Variants in RAB3GAP2 observed in about 807,000 individuals in gnomAD.
The protein encoded by RAB3GAP2 is rab3 GTPase-activating protein non-catalytic subunit.
RAB3GAP2 carries 87 observed loss-of-function variants against 185.3 expected under a neutral mutation model. That is an observed-to-expected ratio of 0.47 (90% CI 0.39 to 0.56). The LOEUF is 0.56. RAB3GAP2 is among the 20% of genes least tolerant of loss of function. The pLI is 0.00. For synonymous variants in RAB3GAP2, 554 were observed against 576.1 expected (o/e 0.96, Z 0.55); for missense variants, 1,492 against 1,638.2 (o/e 0.91, Z 1.54).
Position 220,159,438 on chromosome 1 carries a change from A to G in RAB3GAP2, c.3226-17T>C, listed in dbSNP as rs1657920911. On this transcript the variant is annotated splice_polypyrimidine_tract_variant and intron_variant, in intron 28 of 34. Coordinates refer to ENST00000358951, the MANE Select transcript of RAB3GAP2 (RefSeq NM_012414.4). ...TTTTCCAACCTAAAATAAAAAGATAAAATGTTGTAACATTTAATAATTTAA... is the reference window on the plus strand; with the variant it reads ...TTTTCCAACCTAAAATAAAAAGATAGAATGTTGTAACATTTAATAATTTAA... The G allele has an allele frequency of 1.9e-6, 3 of 1,559,988 alleles. No homozygotes were observed. The highest frequency in any genetic ancestry group is 2.6e-6 in the Non-Finnish European group (3 of 1,132,814).
chr1:220,228,062 GT>G (rs1028573754), intron 2 of RAB3GAP2, among the ~76,000 whole-genome samples: 1 of 152,064 alleles, frequency 6.6e-6, no homozygotes, highest in African/African-American at 2.4e-5. Flanking sequence ...CTCTATAATT[GT>G]TTTTATAATT....
intron 8 of RAB3GAP2, among the ~76,000 whole-genome samples, chr1:220,203,587 C>T (rs1658903379): frequency 6.6e-6 from 1 of 151,840 alleles, no homozygotes; most frequent in Admixed American, 6.6e-5. Flanking sequence ...AACAGAAATT[C>T]AAAAATGGTG....
intron 1 of RAB3GAP2, among the ~76,000 whole-genome samples, chr1:220,237,133 G>T (rs1659608536): frequency 6.6e-6 from 1 of 152,106 alleles, no homozygotes; most frequent in African/African-American, 2.4e-5. Context: ...TTTAACAAAA[G>T]GTATCATGGA....
intron 21 of RAB3GAP2, among the ~76,000 whole-genome samples, chr1:220,173,057 G>A (rs936400287): frequency 1.3e-5 from 2 of 152,190 alleles, no homozygotes; most frequent in African/African-American, 4.8e-5. Flanking sequence ...CGTGAGCATA[G>A]ATCTGCTGTT....
At chr1:220,245,319 C>A (rs1051991484) in intron 1 of RAB3GAP2, among the ~76,000 whole-genome samples, 5 of 152,164 alleles carry the variant, frequency 3.3e-5, no homozygotes, top group African/African-American at 1.2e-4. Flanking sequence ...GCGCACCATG[C>A]GCGAGCCGAA....
At position 220,265,003 on chromosome 1, in the gene RAB3GAP2, T is replaced by C. The variant is rs1406757279; in HGVS notation, c.115+7220A>G. 2.6e-5 allele frequency among the ~76,000 whole-genome samples: 4 copies of C among 152,238 alleles called. No homozygotes were observed. The East Asian group carries it at 7.8e-4, about 30-fold the overall frequency. On this transcript the variant is annotated intron_variant, in intron 1 of 34. Transcript: ENST00000358951. ...ATAAATACTACCTGAATGAAGAAACTGAAGAACACTCAAATCTCAATTTCC... is the reference window on the plus strand; with the variant it reads ...ATAAATACTACCTGAATGAAGAAACCGAAGAACACTCAAATCTCAATTTCC...
At chr1:220,231,645 T>C (rs1360789756) in intron 2 of RAB3GAP2, among the ~76,000 whole-genome samples, 1 of 152,218 alleles carries the variant, frequency 6.6e-6, no homozygotes, top group Non-Finnish European at 1.5e-5. Context: ...CAACAATGAA[T>C]ATCTCATATC....
At position 220,265,471 on chromosome 1, in the gene RAB3GAP2, C is replaced by T. The variant is rs138891678; in HGVS notation, c.115+6752G>A. 5.0e-3 allele frequency among the ~76,000 whole-genome samples: 760 copies of T among 151,924 alleles called. 4 individuals are homozygous for T. The highest frequency in any genetic ancestry group is 0.017 in the African/African-American group (717 of 41,482). On this transcript the variant is annotated intron_variant, in intron 1 of 34. Coordinates refer to ENST00000358951, the MANE Select transcript of RAB3GAP2 (RefSeq NM_012414.4). ...TTATCTCCAACTATTCTGGCTCTCC[C>T]TCTCTATTCATGTATTTATTTATTT...
intron 9 of RAB3GAP2, among the ~76,000 whole-genome samples, chr1:220,198,777 T>C (rs958276778): frequency 3.9e-5 from 6 of 152,302 alleles, no homozygotes; most frequent in African/African-American, 1.4e-4. Context: ...TCCCTGAGCG[T>C]CTGAGGCCTT....
Position 220,244,267 on chromosome 1 carries a change from C to A in RAB3GAP2, c.116-11404G>T, listed in dbSNP as rs567233780. 2.0e-5 allele frequency among the ~76,000 whole-genome samples: 3 copies of A among 152,238 alleles called. No individual in the cohort carries two copies. The East Asian group carries it at 5.8e-4, about 29-fold the overall frequency. Reference sequence around the variant, plus strand: ...AGCACTACTATACACCAACAATGACCAAGCTGAGAACCAAATCAGCAACTC... The same window carrying A: ...AGCACTACTATACACCAACAATGACAAAGCTGAGAACCAAATCAGCAACTC... On this transcript the variant is annotated intron_variant, in intron 1 of 34. Transcript: ENST00000358951.
intron 10 of RAB3GAP2, 24 bp from the exon 11 acceptor site, chr1:220,195,401 A>C: frequency 2.6e-6 from 4 of 1,558,256 alleles, no homozygotes; most frequent in Non-Finnish European, 3.5e-6. Flanking sequence ...CATTTGAAAG[A>C]GAAAACTTAG....
At chr1:220,258,753 A>G (rs1397918539) in intron 1 of RAB3GAP2, among the ~76,000 whole-genome samples, 1 of 152,194 alleles carries the variant, frequency 6.6e-6, no homozygotes, top group Admixed American at 6.5e-5. Context: ...CAGGCAAGAG[A>G]AAGAAATAGA....
chr1:220,252,976 C>G (rs1659966134), intron 1 of RAB3GAP2, among the ~76,000 whole-genome samples: 1 of 152,190 alleles, frequency 6.6e-6, no homozygotes, highest in Non-Finnish European at 1.5e-5. Context: ...TCCCAGCCAG[C>G]CAATGGTGGC....
intron 21 of RAB3GAP2, among the ~76,000 whole-genome samples, chr1:220,175,312 C>T (rs1019584806): frequency 8.6e-5 from 13 of 151,920 alleles, no homozygotes; most frequent in East Asian, 3.9e-4. Flanking sequence ...CGACAGCCTC[C>T]GCCTCCCAGG....
At chr1:220,239,989 T>TAAAAAAA (rs146214516) in intron 1 of RAB3GAP2, among the ~76,000 whole-genome samples, 9 of 135,010 alleles carry the variant, frequency 6.7e-5, no homozygotes, top group Non-Finnish European at 1.1e-4. Flanking sequence ...TTTTGAAGAT[T>TAAAAAAA]AAAAAAAAAA....
intron 26 of RAB3GAP2, 147 bp downstream of exon 26, chr1:220,167,146 A>C (rs1463140696): frequency 1.4e-6 from 1 of 722,744 alleles, no homozygotes; most frequent in Non-Finnish European, 2.5e-6. Context: ...GAAATATGTG[A>C]AAAAGGTCTA....
intron 1 of RAB3GAP2, among the ~76,000 whole-genome samples, chr1:220,259,371 TAGA>T: frequency 6.6e-6 from 1 of 152,272 alleles, no homozygotes; most frequent in African/African-American, 2.4e-5. Flanking sequence ...ATGGTACTGG[TAGA>T]AGAACAGACA....
chr1:220,189,936 T>A (rs1050995932), intron 16 of RAB3GAP2, 128 bp downstream of exon 16: 24 of 1,083,582 alleles, frequency 2.2e-5, no homozygotes, highest in Non-Finnish European at 3.0e-5. Flanking sequence ...GATGGCACAC[T>A]TCAGCCTTAC....
At position 220,241,551 on chromosome 1, in the gene RAB3GAP2, C is replaced by A. The variant is rs148951211; in HGVS notation, c.116-8688G>T. Reference sequence around the variant, plus strand: ...ATTCAGCAAATTTTACTTGGCTCTACTTGGCCAAGGCAAGAAAAGCATCAC... The same window carrying A: ...ATTCAGCAAATTTTACTTGGCTCTAATTGGCCAAGGCAAGAAAAGCATCAC... On this transcript the variant is annotated intron_variant, in intron 1 of 34. Transcript: ENST00000358951. Among the ~76,000 whole-genome samples the A allele has an allele frequency of 5.5e-4, 84 of 152,130 alleles. 1 individual carries two copies. In the East Asian group the frequency reaches 0.01, roughly 19 times the overall value.
Sources: allele counts gnomAD v4.1 joint callset (sites outside exome capture counted in the v4.1 genomes callset), GRCh38; gene constraint gnomAD v4.1.1; transcripts MANE v1.5; gene names NCBI Gene and HGNC (gene_info 2026-07-23, HGNC 2026-07-21).